Variants in ALK observed in about 807,000 individuals in gnomAD.
ALK encodes ALK receptor tyrosine kinase, also known as ALK tyrosine kinase receptor.
Under a neutral mutation model 163.1 loss-of-function variants are expected in ALK, and 74 were observed. The ratio of observed to expected loss-of-function variants is 0.45; its 90% CI spans 0.38 to 0.55. The LOEUF (loss-of-function observed/expected upper bound fraction) is 0.55. ALK is among the 20% of genes least tolerant of loss of function. The pLI is 0.00. For missense variants in ALK, 2,063 were observed against 2,105.3 expected, an observed-to-expected ratio of 0.98 and a Z score of 0.39; for synonymous variants, 960 against 843.2, an observed-to-expected ratio of 1.14 and a Z score of -2.40.
chr2:29,370,786 G>T (rs1019324550), intron 5 of ALK, among the ~76,000 whole-genome samples: 1 of 152,172 alleles, frequency 6.6e-6, no homozygotes, highest in Non-Finnish European at 1.5e-5. Context: ...CACTTCCCCT[G>T]TGAGCTCAGG....
At chr2:29,335,257 C>T (rs866217084) in intron 5 of ALK, among the ~76,000 whole-genome samples, 1 of 152,166 alleles carries the variant, frequency 6.6e-6, no homozygotes, top group African/African-American at 2.4e-5. Flanking sequence ...AGTGAGGGTC[C>T]TTTCTACGGG....
At chr2:29,763,700 T>C (rs1387323160) in intron 1 of ALK, among the ~76,000 whole-genome samples, 1 of 152,108 alleles carries the variant, frequency 6.6e-6, no homozygotes, top group African/African-American at 2.4e-5. Flanking sequence ...GCTGCCCCTT[T>C]CCTATCAGCT....
intron 9 of ALK, among the ~76,000 whole-genome samples, chr2:29,288,995 T>TA (rs1665944496): frequency 7.0e-6 from 1 of 142,148 alleles, no homozygotes. Flanking sequence ...AATAAATAAA[T>TA]AAATAAAAGA....
chr2:29,417,800 C>T (rs1376027463), intron 4 of ALK, among the ~76,000 whole-genome samples: 5 of 152,192 alleles, frequency 3.3e-5, no homozygotes, highest in South Asian at 2.1e-4. Flanking sequence ...AATAGCTGTG[C>T]TCTATTCTTG....
At chr2:29,675,140 G>C (rs916230709) in intron 3 of ALK, among the ~76,000 whole-genome samples, 6 of 151,752 alleles carry the variant, frequency 4.0e-5, no homozygotes, top group Non-Finnish European at 8.8e-5. Flanking sequence ...CCAAAATGAG[G>C]CTATAATATG....
intron 6 of ALK, among the ~76,000 whole-genome samples, chr2:29,325,779 T>C (rs1032997181): frequency 1.3e-5 from 2 of 152,212 alleles, no homozygotes; most frequent in African/African-American, 4.8e-5. Context: ...TACAATAGCA[T>C]CACACAGGAT....
intron 8 of ALK, among the ~76,000 whole-genome samples, chr2:29,305,399 A>G (rs929027461): frequency 6.6e-5 from 10 of 152,168 alleles, no homozygotes; most frequent in African/African-American, 2.4e-4. Context: ...TAAGGTTTTT[A>G]CCAATTTCTT....
intron 3 of ALK, among the ~76,000 whole-genome samples, chr2:29,533,066 T>C (rs1673161277): frequency 1.3e-5 from 2 of 152,214 alleles, no homozygotes; most frequent in Admixed American, 1.3e-4. Context: ...GGCAAAGCAT[T>C]ACTCAAAAGG....
Position 29,920,233 on chromosome 2 carries a change from G to A in ALK, c.427C>T (p.Leu143=), listed in dbSNP as rs1176553598. The A allele has an allele frequency of 6.2e-7, 1 of 1,611,236 alleles. No individual in the cohort carries two copies. Among genetic ancestry groups the A allele is most frequent in the African/African-American group, 1.3e-5 (1 of 74,914 alleles). ...AAGATCGCCTCCTCGCCCAGCTCCAGCACCAACTGCTTGGCACGCCGGAGC... is the reference window on the plus strand; with the variant it reads ...AAGATCGCCTCCTCGCCCAGCTCCAACACCAACTGCTTGGCACGCCGGAGC... The part of the protein sequence containing the change: ...RKLRRAKQLV[L]ELGEEAILEG... The change falls in exon 1 of 29, where the codon CTG becomes TTG. Residue 143 remains leucine (L), a synonymous_variant. Coordinates refer to ENST00000389048, the MANE Select transcript of ALK (RefSeq NM_004304.5).
chr2:29,653,656 G>A (rs1677096355), intron 3 of ALK, among the ~76,000 whole-genome samples: 2 of 152,184 alleles, frequency 1.3e-5, no homozygotes, highest in Admixed American at 1.3e-4. Context: ...TCAGGCAGGA[G>A]CAAAGGGTGG....
chr2:29,578,164 G>A (rs911059563), intron 3 of ALK, among the ~76,000 whole-genome samples: 1 of 152,102 alleles, frequency 6.6e-6, no homozygotes, highest in Non-Finnish European at 1.5e-5. Context: ...TAAGTCTCAC[G>A]AGATCTGATG....
chr2:29,554,477 G>A (rs1573451878), intron 3 of ALK, among the ~76,000 whole-genome samples: 2 of 152,196 alleles, frequency 1.3e-5, no homozygotes, highest in Admixed American at 1.3e-4. Flanking sequence ...TTTGGCCAAA[G>A]GCTTGGTCTG....
At chr2:29,580,148 A>G (rs560955895) in intron 3 of ALK, among the ~76,000 whole-genome samples, 16 of 152,074 alleles carry the variant, frequency 1.1e-4, no homozygotes, top group Non-Finnish European at 2.1e-4. Flanking sequence ...CATGATTCTT[A>G]TATTAAGCCA....
intron 9 of ALK, among the ~76,000 whole-genome samples, chr2:29,295,244 C>T (rs1666140615): frequency 6.6e-6 from 1 of 152,128 alleles, no homozygotes; most frequent in South Asian, 2.1e-4. Flanking sequence ...TCAAATGAAA[C>T]TCTAGAGGAT....
chr2:29,854,134 G>A (rs952489910), intron 1 of ALK, among the ~76,000 whole-genome samples: 2 of 152,010 alleles, frequency 1.3e-5, no homozygotes, highest in African/African-American at 2.4e-5. Context: ...TTTCTCGCAC[G>A]TCATTGATCA....
At chr2:29,604,984 T>C (rs973428482) in intron 3 of ALK, among the ~76,000 whole-genome samples, 5 of 152,192 alleles carry the variant, frequency 3.3e-5, no homozygotes, top group African/African-American at 1.2e-4. Context: ...TAGGTGATAT[T>C]TAATGACAGT....
chr2:29,844,617 A>G (rs1267146150), intron 1 of ALK, among the ~76,000 whole-genome samples: 1 of 152,158 alleles, frequency 6.6e-6, no homozygotes, highest in African/African-American at 2.4e-5. Flanking sequence ...TCTGAAGGTT[A>G]GAACCATTGT....
At chr2:29,875,869 T>C (rs573243571) in intron 1 of ALK, among the ~76,000 whole-genome samples, 11 of 152,350 alleles carry the variant, frequency 7.2e-5, no homozygotes, top group East Asian at 1.9e-4. Flanking sequence ...TTTGCTATTG[T>C]AAATAGTGCT....
intron 2 of ALK, among the ~76,000 whole-genome samples, chr2:29,707,885 A>T (rs936001662): frequency 6.6e-6 from 1 of 152,168 alleles, no homozygotes. Context: ...TTTAAAGATG[A>T]CATAGACAAC....
Sources: gnomAD v4.1 joint callset for allele counts (sites outside exome capture counted in the v4.1 genomes callset) on GRCh38, gnomAD v4.1.1 for gene constraint, MANE v1.5 for transcripts, NCBI Gene and HGNC (gene_info 2026-07-23, HGNC 2026-07-21) for gene names.